Variants in ALOX12B observed in about 807,000 individuals in gnomAD.
ALOX12B encodes arachidonate 12-lipoxygenase, 12R type, also known as arachidonate 12-lipoxygenase, 12R-type.
ALOX12B carries 47 observed loss-of-function variants against 78.9 expected under a neutral mutation model. The observed-to-expected ratio is 0.60, with a 90% CI of 0.47 to 0.76. The LOEUF (loss-of-function observed/expected upper bound fraction) is 0.76. Ranked by LOEUF, ALOX12B falls within the 30% of genes least tolerant of loss-of-function variation. The pLI, the probability that ALOX12B is intolerant of heterozygous loss-of-function variation, is 0.00. For synonymous variants in ALOX12B, 370 were observed against 374.5 expected (o/e 0.99, Z 0.14); for missense variants, 805 against 922.6 (o/e 0.87, Z 1.65).
In ALOX12B at chr17:8,079,694, G is replaced by A. The variant is rs117018673; in HGVS notation, c.927+75C>T. 71,396 of 1,556,338 alleles carry A rather than the reference G, an allele frequency of 0.046. 1,849 individuals are homozygous for A. Among genetic ancestry groups the A allele is most frequent in the Admixed American group, 0.06 (3,092 of 51,962 alleles). ...TTGCCTGGGACTGGCGCGGGCGCCGGAGGTGGGGAGAGACGGGGATGCCCG... is the reference window on the plus strand; with the variant it reads ...TTGCCTGGGACTGGCGCGGGCGCCGAAGGTGGGGAGAGACGGGGATGCCCG... On this transcript the variant is annotated intron_variant, in intron 7 of 14. Transcript: ENST00000647874. This position sits in a 1 kb window ranked among gnomAD's most constrained non-coding sequence, Gnocchi z 6.4.
At chr17:8,072,999 C>A (rs772476742) in intron 14 of ALOX12B, 49 bp from the exon 15 acceptor site, 3 of 1,595,918 alleles carry the variant, frequency 1.9e-6, no homozygotes, top group South Asian at 1.1e-5. Flanking sequence ...CCAGCACCCC[C>A]TCCTCCTGCC....
intron 2 of ALOX12B, among the ~76,000 whole-genome samples, chr17:8,082,006 C>T (rs1977227737): frequency 1.3e-5 from 2 of 152,296 alleles, no homozygotes; most frequent in South Asian, 4.1e-4. Context: ...ACTTTCTGGT[C>T]TGGCTTGTTT....
intron 10 of ALOX12B, 113 bp downstream of exon 10, chr17:8,076,544 C>T: frequency 7.4e-7 from 1 of 1,345,938 alleles, no homozygotes. Flanking sequence ...AGCTCCCTCC[C>T]TTCATGCCCC....
intron 1 of ALOX12B, 37 bp downstream of exon 1, chr17:8,087,247 CACACACACACAG>C (rs764389348): frequency 1.3e-4 from 142 of 1,133,038 alleles, no homozygotes; most frequent in Middle Eastern, 2.2e-4. Flanking sequence ...GACACACACA[CACACACACACAG>C]ACACACACAC....
At chr17:8,082,336 A>C (rs1183392176) in intron 2 of ALOX12B, among the ~76,000 whole-genome samples, 1 of 152,180 alleles carries the variant, frequency 6.6e-6, no homozygotes, top group Non-Finnish European at 1.5e-5. Context: ...ACTGGCCATA[A>C]AAATATGTGA....
At chr17:8,076,512 G>C (rs759488330) in intron 10 of ALOX12B, 145 bp downstream of exon 10, 197 of 1,292,584 alleles carry the variant, frequency 1.5e-4, no homozygotes, top group Non-Finnish European at 2.0e-4. Context: ...CTCCTTTCTA[G>C]ACAGGAGAAC....
rs1168994105 is a variant in ALOX12B at position 8,079,949 on chromosome 17, G to A, written c.755-8C>T. 1.9e-6 allele frequency: 3 copies of A among 1,610,078 alleles called. No homozygotes were observed. In the South Asian group the frequency reaches 3.3e-5, roughly 18 times the overall value. On this transcript the variant is annotated splice_polypyrimidine_tract_variant and splice_region_variant and intron_variant, in intron 6 of 14. Transcript: ENST00000647874. The surrounding 1 kb of genome is among the most constrained non-coding windows in gnomAD (Gnocchi z 6.4). ...AGTGCTCGGCCACGTACTCTGCGAG[G>A]ACGGCGCGAGGGCGTCACAAGGAGG...
chr17:8,081,473 A>C, intron 2 of ALOX12B: 1 of 487,418 alleles, frequency 2.1e-6, no homozygotes, highest in Non-Finnish European at 3.9e-6. Context: ...CTATAAATTC[A>C]TGGAGTACAA....
Position 8,079,314 on chromosome 17 carries a change from C to G in ALOX12B, c.1071+82G>C, listed in dbSNP as rs1251183521. On this transcript the variant is annotated intron_variant, in intron 8 of 14. Transcript: ENST00000647874. The surrounding 1 kb of genome is among the most constrained non-coding windows in gnomAD (Gnocchi z 6.4). ...ACGGCTGAATACATGCAGGTCCACA[C>G]GCTCACATAAGCGCGCGCACACTCG... 1 of 1,530,322 alleles carries G rather than the reference C, an allele frequency of 6.5e-7. No individual in the cohort carries two copies. The highest frequency in any genetic ancestry group is 8.8e-7 in the Non-Finnish European group (1 of 1,134,150). The allele number at this position is 1,530,322 out of a possible 1,614,324, so 94.8% of individuals were successfully genotyped here.
At chr17:8,073,087 T>C (rs1286659959) in intron 14 of ALOX12B, 61 bp downstream of exon 14, 4 of 1,610,584 alleles carry the variant, frequency 2.5e-6, no homozygotes, top group Admixed American at 3.3e-5. Context: ...CTAGTTATCC[T>C]CCCCCATCCC....
Sources: allele counts gnomAD v4.1 joint callset (sites outside exome capture counted in the v4.1 genomes callset), GRCh38; gene constraint gnomAD v4.1.1; non-coding constraint Gnocchi (gnomAD v3.1); transcripts MANE v1.5; gene names NCBI Gene and HGNC (gene_info 2026-07-23, HGNC 2026-07-21).